Variants in CA10 observed in about 807,000 individuals in gnomAD.
CA10 encodes carbonic anhydrase-related protein 10.
CA10 carries 14 observed loss-of-function variants against 44.2 expected under a neutral mutation model. The observed-to-expected ratio is 0.32, with a 90% CI of 0.21 to 0.50. CA10 has a LOEUF of 0.50. Among genes scored for constraint, CA10 ranks in the 20% least tolerant of loss-of-function variants. CA10 has a pLI of 0.99. For missense variants in CA10, 350 were observed against 409.7 expected (o/e 0.85, Z 1.26); for synonymous variants, 159 against 141.6 (o/e 1.12, Z -0.87).
intron 3 of CA10, among the ~76,000 whole-genome samples, chr17:51,912,048 C>T (rs1389427306): frequency 6.6e-6 from 1 of 152,100 alleles, no homozygotes; most frequent in Non-Finnish European, 1.5e-5. Flanking sequence ...GTACAGATAT[C>T]ACATTCTATA....
chr17:51,912,989 G>A (rs1981850114), intron 3 of CA10, among the ~76,000 whole-genome samples: 1 of 152,158 alleles, frequency 6.6e-6, no homozygotes, highest in African/African-American at 2.4e-5. Flanking sequence ...GTTACAGGAG[G>A]AAAAGCTCAA....
At chr17:51,796,215 C>T (rs1282478102) in intron 3 of CA10, among the ~76,000 whole-genome samples, 1 of 151,684 alleles carries the variant, frequency 6.6e-6, no homozygotes, top group Non-Finnish European at 1.5e-5. Context: ...TGTTCCAATC[C>T]TGTTCTTTTT....
At chr17:52,124,694 T>G (rs1217978322) in intron 1 of CA10, among the ~76,000 whole-genome samples, 2 of 152,220 alleles carry the variant, frequency 1.3e-5, no homozygotes, top group African/African-American at 4.8e-5. Context: ...TCCTCCACCT[T>G]CATGCCTCTA....
At chr17:52,104,853 C>G (rs1988623735) in intron 1 of CA10, among the ~76,000 whole-genome samples, 2 of 152,198 alleles carry the variant, frequency 1.3e-5, no homozygotes, top group African/African-American at 4.8e-5. Flanking sequence ...GGATGACAAC[C>G]ATTTCTTTTC....
intron 3 of CA10, among the ~76,000 whole-genome samples, chr17:51,893,215 G>T (rs1335973040): frequency 6.6e-6 from 1 of 152,154 alleles, no homozygotes; most frequent in Non-Finnish European, 1.5e-5. Flanking sequence ...AGGATTGAGA[G>T]TAACATGAAA....
At chr17:52,047,562 T>G (rs1986945824) in intron 2 of CA10, among the ~76,000 whole-genome samples, 1 of 151,978 alleles carries the variant, frequency 6.6e-6, no homozygotes, top group South Asian at 2.1e-4. Flanking sequence ...AAGTTCAATT[T>G]TAAGAAAAGT....
chr17:52,066,958 T>C (rs1456931667), intron 2 of CA10, among the ~76,000 whole-genome samples: 1 of 152,204 alleles, frequency 6.6e-6, no homozygotes, highest in Non-Finnish European at 1.5e-5. Flanking sequence ...GGTTTGATAT[T>C]GGAACTTATG....
chr17:51,954,913 C>T (rs530752471), intron 2 of CA10, among the ~76,000 whole-genome samples: 22 of 152,252 alleles, frequency 1.4e-4, no homozygotes, highest in African/African-American at 3.6e-4. Context: ...GAAAGAACAT[C>T]AGTTCCTTCC....
chr17:51,651,155 A>G (rs372775865), intron 5 of CA10, among the ~76,000 whole-genome samples: 17 of 152,162 alleles, frequency 1.1e-4, no homozygotes, highest in African/African-American at 4.1e-4. Flanking sequence ...GGCTTGTCAT[A>G]TCCCACTCCT....
chr17:51,872,931 T>G (rs936428927), intron 3 of CA10, among the ~76,000 whole-genome samples: 27 of 152,222 alleles, frequency 1.8e-4, no homozygotes, highest in Non-Finnish European at 2.4e-4. Context: ...GATTACCATC[T>G]TACTCCATAT....
chr17:51,962,675 A>C (rs915619220), intron 2 of CA10, among the ~76,000 whole-genome samples: 3 of 152,176 alleles, frequency 2.0e-5, no homozygotes, highest in Non-Finnish European at 4.4e-5. Flanking sequence ...CATATTCAAC[A>C]TTCTCTATGG....
intron 3 of CA10, among the ~76,000 whole-genome samples, chr17:51,873,845 A>T (rs1368092094): frequency 6.6e-6 from 1 of 152,174 alleles, no homozygotes; most frequent in African/African-American, 2.4e-5. Context: ...TACACATTTC[A>T]CTGCCTAAAA....
chr17:51,876,380 T>C (rs1980082448), intron 3 of CA10, among the ~76,000 whole-genome samples: 1 of 148,736 alleles, frequency 6.7e-6, no homozygotes, highest in Non-Finnish European at 1.5e-5. Flanking sequence ...ATGAGGTCTC[T>C]CTATGTTGCC....
intron 2 of CA10, among the ~76,000 whole-genome samples, chr17:52,034,255 G>C (rs568999113): frequency 6.6e-6 from 1 of 152,164 alleles, no homozygotes; most frequent in East Asian, 1.9e-4. Context: ...GGAGGTGATA[G>C]GTTTATGGCA....
intron 1 of CA10, among the ~76,000 whole-genome samples, chr17:52,151,225 T>C (rs1989695783): frequency 6.6e-6 from 1 of 151,700 alleles, no homozygotes; most frequent in East Asian, 1.9e-4. Context: ...CTAAGGTTAT[T>C]TTTGTAACCC....
chr17:51,877,910 C>T (rs895942251), intron 3 of CA10, among the ~76,000 whole-genome samples: 6 of 151,676 alleles, frequency 4.0e-5, no homozygotes, highest in Admixed American at 2.6e-4. Context: ...TTTGGGAGGC[C>T]GAGGCAGACG....
At chr17:51,786,224 G>GTC (rs1323488497) in intron 3 of CA10, among the ~76,000 whole-genome samples, 5 of 151,602 alleles carry the variant, frequency 3.3e-5, no homozygotes, top group African/African-American at 1.2e-4. Context: ...CTGTGTGTGT[G>GTC]TGTGTGTGTG....
intron 3 of CA10, among the ~76,000 whole-genome samples, chr17:51,778,466 A>G (rs1905917175): frequency 6.6e-6 from 1 of 152,210 alleles, no homozygotes; most frequent in Non-Finnish European, 1.5e-5. Context: ...TTCTAAGGAT[A>G]AGGCCACCGA....
intron 4 of CA10, among the ~76,000 whole-genome samples, chr17:51,745,395 C>T (rs1156914301): frequency 6.6e-6 from 1 of 152,178 alleles, no homozygotes; most frequent in African/African-American, 2.4e-5. Context: ...TTGTGATTTG[C>T]AACCCTGCTT....
Sources: gnomAD v4.1 joint callset for allele counts (sites outside exome capture counted in the v4.1 genomes callset) on GRCh38, gnomAD v4.1.1 for gene constraint, MANE v1.5 for transcripts, NCBI Gene and HGNC (gene_info 2026-07-23, HGNC 2026-07-21) for gene names.